SLCO1C1: variants seen among roughly 807,000 people sequenced by gnomAD.
SLCO1C1 encodes OAT-RP-5.
A neutral mutation model predicts 76.4 loss-of-function variants in SLCO1C1; 70 were observed. The ratio of observed to expected loss-of-function variants is 0.92; its 90% CI spans 0.76 to 1.12. SLCO1C1 has a LOEUF of 1.12. SLCO1C1 is among the 50% of genes most tolerant of loss of function. The pLI is 0.00. For synonymous variants in SLCO1C1, 306 were observed against 286.1 expected (o/e 1.07, Z -0.70); for missense variants, 912 against 823.8 (o/e 1.11, Z -1.31).
chr12:20,731,527 A>C (rs573787227), intron 9 of SLCO1C1, among the ~76,000 whole-genome samples: 1 of 152,320 alleles, frequency 6.6e-6, no homozygotes, highest in South Asian at 2.1e-4. Flanking sequence ...TACTACAGCA[A>C]ATGCTGATTT....
chr12:20,739,293 T>C (rs1302966952), intron 11 of SLCO1C1, among the ~76,000 whole-genome samples: 1 of 152,034 alleles, frequency 6.6e-6, no homozygotes, highest in African/African-American at 2.4e-5. Flanking sequence ...AAGTATGTTT[T>C]AAAAATAAGT....
intron 10 of SLCO1C1, among the ~76,000 whole-genome samples, chr12:20,736,095 A>G (rs1261824803): frequency 6.6e-6 from 1 of 152,168 alleles, no homozygotes; most frequent in Non-Finnish European, 1.5e-5. Context: ...TGGTGCAGAT[A>G]GAAATGACAT....
At chr12:20,727,080 G>GTGGTGTA (rs1948046913) in intron 9 of SLCO1C1, among the ~76,000 whole-genome samples, 1 of 152,132 alleles carries the variant, frequency 6.6e-6, no homozygotes, top group East Asian at 1.9e-4. Flanking sequence ...TGGTGTATAC[G>GTGGTGTA]TACCACTTCT....
intron 12 of SLCO1C1, among the ~76,000 whole-genome samples, chr12:20,741,585 G>A (rs994185778): frequency 6.6e-6 from 1 of 151,986 alleles, no homozygotes; most frequent in African/African-American, 2.4e-5. Flanking sequence ...CCTTCTTCCT[G>A]TATTTATATC....
intron 3 of SLCO1C1, 37 bp downstream of exon 3, chr12:20,701,496 C>G: frequency 7.0e-7 from 1 of 1,418,806 alleles, no homozygotes; most frequent in South Asian, 1.8e-5. Flanking sequence ...ATTTTAAGCC[C>G]AAGATCTTCT....
intron 6 of SLCO1C1, among the ~76,000 whole-genome samples, 178 bp downstream of exon 6, chr12:20,715,463 T>TG (rs1200677994): frequency 4.6e-5 from 7 of 152,200 alleles, no homozygotes; most frequent in African/African-American, 1.7e-4. Flanking sequence ...GACACCATAG[T>TG]TAGAGGGATC....
At chr12:20,740,976 A>C (rs1488932982) in intron 12 of SLCO1C1, among the ~76,000 whole-genome samples, 2 of 151,740 alleles carry the variant, frequency 1.3e-5, no homozygotes, top group Non-Finnish European at 2.9e-5. Flanking sequence ...TTTATAAAGG[A>C]AAGAGGTTTA....
chr12:20,706,054 T>C lies in SLCO1C1; in HGVS notation c.377T>C (p.Ile126Thr). ...CVIMGVGTLLIAMPQFFMEQY... is the reference protein window; with the variant it reads ...CVIMGVGTLLTAMPQFFMEQY... ...ATCATGGGAGTTGGAACACTGCTCA[T>C]TGCAATGCCTCAGTTCTTCATGGAG... Residue 126 changes from isoleucine (I) to threonine (T), a missense_variant, in exon 4 of 15, where the codon ATT becomes ACT. By Grantham distance (89) the Ile-to-Thr change is moderately conservative (BLOSUM62 -1). Coordinates refer to ENST00000266509, the MANE Select transcript of SLCO1C1 (RefSeq NM_017435.5). The C allele has an allele frequency of 1.2e-6, 2 of 1,613,150 alleles. No homozygotes were observed. The highest frequency in any genetic ancestry group is 1.7e-6 in the Non-Finnish European group (2 of 1,179,346).
rs140892520 is a variant in SLCO1C1 at position 20,747,035 on chromosome 12, G to A, written c.1799-3640G>A. On this transcript the variant is annotated intron_variant, in intron 13 of 14. Transcript: ENST00000266509. ...GTGTTAGGAGTAAGAATGACATAGC[G>A]GTCATGTTTTTAAAAAATGTCATCA... is the stretch of plus-strand genomic sequence containing the variant. 2.9e-4 allele frequency among the ~76,000 whole-genome samples: 44 copies of A among 152,104 alleles called. No individual in the cohort carries two copies. In the East Asian group the frequency reaches 7.5e-3, roughly 26 times the overall value.
intron 12 of SLCO1C1, among the ~76,000 whole-genome samples, 192 bp downstream of exon 12, chr12:20,740,560 C>G (rs968144901): frequency 1.3e-5 from 2 of 151,398 alleles, no homozygotes; most frequent in African/African-American, 4.9e-5. Flanking sequence ...TAGAAGTTTT[C>G]TTAGTTAAAA....
chr12:20,709,167 A>T (rs949215412), intron 4 of SLCO1C1, among the ~76,000 whole-genome samples: 1 of 152,182 alleles, frequency 6.6e-6, no homozygotes, highest in Non-Finnish European at 1.5e-5. Context: ...AAAACCCCTA[A>T]TATAAAAGCA....
In SLCO1C1 at chr12:20,740,358, T is replaced by C; in HGVS notation, c.1723T>C (p.Leu575=). The change falls in exon 12 of 15, where the codon TTA becomes CTA. Residue 575 remains leucine, a synonymous_variant. Transcript: ENST00000266509. ...CCTAGGTGGCATACCTGGATACATA[T>C]TACTTCTGAGGTGAGTACTGATTCT... ...LSLGGIPGYI[L]LLRCIKPQLK... 6.2e-7 allele frequency: 1 copy of C among 1,612,714 alleles called. No homozygotes were observed. The highest frequency in any genetic ancestry group is 8.5e-7 in the Non-Finnish European group (1 of 1,179,300).
chr12:20,701,120 T>C (rs1165514008), intron 2 of SLCO1C1, among the ~76,000 whole-genome samples, 198 bp from the exon 3 acceptor site: 2 of 152,144 alleles, frequency 1.3e-5, no homozygotes, highest in Non-Finnish European at 2.9e-5. Flanking sequence ...TCCAAGAGAA[T>C]TTGAACTGTT....
chr12:20,702,830 T>C (rs1254060190), intron 3 of SLCO1C1, among the ~76,000 whole-genome samples: 1 of 151,776 alleles, frequency 6.6e-6, no homozygotes, highest in East Asian at 1.9e-4. Context: ...ATCATGATGT[T>C]TTGATGTTTT....
intron 13 of SLCO1C1, among the ~76,000 whole-genome samples, chr12:20,750,080 C>G (rs1300736508): frequency 6.6e-6 from 1 of 152,168 alleles, no homozygotes. Flanking sequence ...ACCCAATGTT[C>G]AGTTAACTAC....
intron 7 of SLCO1C1, among the ~76,000 whole-genome samples, chr12:20,719,164 A>C (rs1259931556): frequency 6.6e-6 from 1 of 150,788 alleles, no homozygotes; most frequent in East Asian, 1.9e-4. Flanking sequence ...GTGATGTGTG[A>C]TATTTGATGT....
intron 4 of SLCO1C1, among the ~76,000 whole-genome samples, chr12:20,706,324 A>G (rs1322096774): frequency 6.6e-6 from 1 of 152,134 alleles, no homozygotes. Context: ...TTTTACCTAC[A>G]TGTTTTGAGT....
chr12:20,750,798 A>C lies in SLCO1C1; in HGVS notation c.1916+6A>C. ...TATGATTCAAATGTCTTCAGGTACC[A>C]AATCAAAAGCATTCCCGCATCTCAT... On this transcript the variant is annotated splice_donor_region_variant and intron_variant, in intron 14 of 14. Transcript: ENST00000266509. 1 of 1,614,016 alleles carries C rather than the reference A, an allele frequency of 6.2e-7. No homozygotes were observed. Among genetic ancestry groups the C allele is most frequent in the South Asian group, 1.1e-5 (1 of 91,086 alleles).
rs1432378311 is a variant in SLCO1C1, at chr12:20,737,117, G to C, written c.1393G>C (p.Val465Leu). ...LTVSYQGTKPVSYHERALFSD... is the reference protein window; with the variant it reads ...LTVSYQGTKPLSYHERALFSD... ...TATATTTCTTTTCAGAACCAAACCTGTCTCTTATCATGAACGAGCTCTCTT... is the reference window on the plus strand; with the variant it reads ...TATATTTCTTTTCAGAACCAAACCTCTCTCTTATCATGAACGAGCTCTCTT... The change falls in exon 11 of 15, where the codon GTC (valine) becomes CTC (leucine). Residue 465 changes from valine to leucine, a missense_variant. Coordinates refer to ENST00000266509, the MANE Select transcript of SLCO1C1 (RefSeq NM_017435.5). 1 of 1,522,762 alleles carries C rather than the reference G, an allele frequency of 6.6e-7. No individual in the cohort carries two copies. Among genetic ancestry groups the C allele is most frequent in the Admixed American group, 2.5e-5 (1 of 39,650 alleles). 94.3% of individuals were successfully genotyped at this position (1,522,762 alleles called of 1,614,324 possible).
Sources: allele counts gnomAD v4.1 joint callset (sites outside exome capture counted in the v4.1 genomes callset), GRCh38; gene constraint gnomAD v4.1.1; transcripts MANE v1.5; gene names NCBI Gene and HGNC (gene_info 2026-07-23, HGNC 2026-07-21).